YEATS2: variants seen among roughly 807,000 people sequenced by gnomAD.
YEATS2 encodes the protein YEATS domain containing 2, also known as YEATS domain-containing protein 2.
YEATS2 carries 77 observed loss-of-function variants against 163.2 expected under a neutral mutation model. The ratio of observed to expected loss-of-function variants is 0.47; its 90% CI spans 0.39 to 0.57. YEATS2 has a LOEUF of 0.57. YEATS2 is among the 20% of genes least tolerant of loss of function. YEATS2 has a pLI of 0.00. For synonymous variants in YEATS2, 631 were observed against 645.1 expected, an observed-to-expected ratio of 0.98 and a Z score of 0.33; for missense variants, 1,549 against 1,729.8, an observed-to-expected ratio of 0.90 and a Z score of 1.85.
intron 21 of YEATS2, among the ~76,000 whole-genome samples, chr3:183,794,677 A>G (rs978066946): frequency 3.3e-5 from 5 of 152,250 alleles, no homozygotes; most frequent in Admixed American, 3.3e-4. Context: ...AGAGAGGTAC[A>G]GTTTCTACTG....
Position 183,786,225 on chromosome 3 carries a change from T to C in YEATS2, c.2837T>C (p.Leu946Pro), listed in dbSNP as rs1421174010. The C allele has an allele frequency of 6.2e-7, 1 of 1,614,158 alleles. No homozygotes were observed. The highest frequency in any genetic ancestry group is 1.7e-5 in the Admixed American group (1 of 60,012). ...SQLSKPGTTM[L>P]RVAGGVITTA... ...CTCTCGAAGCCTGGAACCACAATGCTGAGAGTAGCAGGAGGGGTTATCACA... is the reference window on the plus strand; with the variant it reads ...CTCTCGAAGCCTGGAACCACAATGCCGAGAGTAGCAGGAGGGGTTATCACA... The change falls in exon 20 of 31, where the codon CTG becomes CCG. Residue 946 changes from leucine (L) to proline (P), a missense_variant. Physicochemically the swap from Leu to Pro is moderately conservative, Grantham distance 98. Coordinates refer to ENST00000305135, the MANE Select transcript of YEATS2 (RefSeq NM_018023.5).
chr3:183,748,910 A>T (rs1285082315), intron 9 of YEATS2, among the ~76,000 whole-genome samples: 1 of 151,686 alleles, frequency 6.6e-6, no homozygotes, highest in African/African-American at 2.4e-5. Context: ...TGGTTCATAT[A>T]TATATGTGTG....
At chr3:183,797,108 A>G (rs932665368) in intron 21 of YEATS2, among the ~76,000 whole-genome samples, 7 of 152,014 alleles carry the variant, frequency 4.6e-5, no homozygotes, top group Admixed American at 4.6e-4. Context: ...GTCTCTACTA[A>G]AAATACAAAA....
At chr3:183,767,020 C>G (rs922043531) in intron 15 of YEATS2, among the ~76,000 whole-genome samples, 2 of 152,142 alleles carry the variant, frequency 1.3e-5, no homozygotes, top group Admixed American at 1.3e-4. Context: ...TTGGGTAATA[C>G]AGTCTTATTT....
At chr3:183,745,239 A>G (rs151227014) in intron 8 of YEATS2, among the ~76,000 whole-genome samples, 1,551 of 152,274 alleles carry the variant, frequency 0.01, 3 homozygotes, top group Non-Finnish European at 0.017. Flanking sequence ...ATCCTACACA[A>G]CAGTATCTGA....
chr3:183,715,885 A>G (rs996527722), intron 2 of YEATS2, among the ~76,000 whole-genome samples: 1 of 152,204 alleles, frequency 6.6e-6, no homozygotes, highest in Non-Finnish European at 1.5e-5. Context: ...TGAAGAGCAA[A>G]TCATCAACTG....
chr3:183,810,493 A>G lies in YEATS2; in HGVS notation c.4179A>G (p.Thr1393=). ...GGACCAGGATTCCCAAAGAAATTAC[A>G]GTGAGTAATATTCACCAGGCCATTT... ...ASHNRIPKEI[T]VSNIHQAICN... Residue 1393 remains threonine (T), a synonymous_variant, in exon 31 of 31, where the codon ACA becomes ACG. Transcript: ENST00000305135. The G allele has an allele frequency of 6.2e-7, 1 of 1,614,106 alleles. No homozygotes were observed. Among genetic ancestry groups the G allele is most frequent in the South Asian group, 1.1e-5 (1 of 91,078 alleles).
chr3:183,778,452 A>G (rs1417891237), intron 19 of YEATS2, among the ~76,000 whole-genome samples: 1 of 152,232 alleles, frequency 6.6e-6, no homozygotes, highest in East Asian at 1.9e-4. Flanking sequence ...AGAATGGGCC[A>G]GTTTCAGCTA....
intron 19 of YEATS2, among the ~76,000 whole-genome samples, chr3:183,785,362 C>T (rs1029071984): frequency 6.7e-6 from 1 of 150,238 alleles, no homozygotes; most frequent in African/African-American, 2.4e-5. Context: ...GTGGCACGTG[C>T]CTGTAAGTCC....
chr3:183,780,961 AAAGTC>A (rs1723505400), intron 19 of YEATS2, among the ~76,000 whole-genome samples: 1 of 152,210 alleles, frequency 6.6e-6, no homozygotes, highest in South Asian at 2.1e-4. Flanking sequence ...ACTCAATAAA[AAAGTC>A]AAATCAATAA....
intron 20 of YEATS2, among the ~76,000 whole-genome samples, chr3:183,786,651 T>C (rs563605962): frequency 1.3e-5 from 2 of 148,438 alleles, no homozygotes; most frequent in Admixed American, 1.3e-4. Context: ...AGACATTTCA[T>C]ATAAAGGGAG....
intron 19 of YEATS2, among the ~76,000 whole-genome samples, chr3:183,785,840 T>G (rs192181126): frequency 1.5e-3 from 233 of 152,324 alleles, no homozygotes; most frequent in Middle Eastern, 3.4e-3. Context: ...TCAAGTATTT[T>G]GAAAACAAGT....
chr3:183,767,306 A>G (rs755915428), intron 15 of YEATS2, among the ~76,000 whole-genome samples: 14 of 151,496 alleles, frequency 9.2e-5, no homozygotes, highest in Non-Finnish European at 2.1e-4. Context: ...ACTCACTGCA[A>G]CCTCTGTCTC....
chr3:183,774,460 C>T (rs1722772091), intron 17 of YEATS2, among the ~76,000 whole-genome samples: 1 of 152,144 alleles, frequency 6.6e-6, no homozygotes, highest in African/African-American at 2.4e-5. Context: ...AAGTTGTCTT[C>T]CATGAAACTG....
Position 183,773,782 on chromosome 3 carries a change from A to G in YEATS2, c.2356A>G (p.Thr786Ala), listed in dbSNP as rs1722707920. The G allele has an allele frequency of 1.2e-6, 2 of 1,607,814 alleles. No individual in the cohort carries two copies. The highest frequency in any genetic ancestry group is 1.7e-5 in the Admixed American group (1 of 58,200). Residue 786 changes from threonine to alanine, a missense_variant, in exon 17 of 31, where the codon ACG becomes GCG. Coordinates refer to ENST00000305135, the MANE Select transcript of YEATS2 (RefSeq NM_018023.5). ...CCCTCAAGGAGCCATCCTGCGAGCT[A>G]CGAACAATGCTAGTTAGTGAAACCA... is the stretch of plus-strand genomic sequence containing the variant. ...LIPQGAILRA[T>A]NNANLQSGSA...
At chr3:183,772,209 A>G in intron 15 of YEATS2, 96 bp from the exon 16 acceptor site, 1 of 1,540,574 alleles carries the variant, frequency 6.5e-7, no homozygotes, top group Non-Finnish European at 8.9e-7. Flanking sequence ...GGCTGCATGT[A>G]TTATGTGCAG....
At position 183,756,652 on chromosome 3, in the gene YEATS2, G is replaced by C; in HGVS notation, c.1515G>C (p.Gln505His). 6.3e-7 allele frequency: 1 copy of C among 1,593,616 alleles called. No homozygotes were observed. The highest frequency in any genetic ancestry group is 8.5e-7 in the Non-Finnish European group (1 of 1,170,228). Residue 505 changes from glutamine to histidine, a missense_variant, in exon 12 of 31, where the codon CAG becomes CAC. By Grantham distance (24) the Gln-to-His change is conservative. Transcript: ENST00000305135. ...ATCCTTATGTTATCATGGACAAGCA[G>C]CCGGGGCAGGTGATTGGAGCCACCA... Reference protein sequence around the residue: ...INNPYVIMDKQPGQVIGATTP... With the variant: ...INNPYVIMDKHPGQVIGATTP...
intron 8 of YEATS2, among the ~76,000 whole-genome samples, chr3:183,741,409 T>C (rs976867014): frequency 1.3e-5 from 2 of 152,214 alleles, no homozygotes; most frequent in African/African-American, 2.4e-5. Flanking sequence ...TTAAGCCCAC[T>C]GTTGAGACCA....
chr3:183,763,377 A>G (rs1402198130), intron 15 of YEATS2, among the ~76,000 whole-genome samples: 7 of 152,240 alleles, frequency 4.6e-5, no homozygotes, highest in African/African-American at 1.7e-4. Flanking sequence ...CTGTAAAAAT[A>G]CAGTGTTATA....
Sources: allele counts gnomAD v4.1 joint callset (sites outside exome capture counted in the v4.1 genomes callset), GRCh38; gene constraint gnomAD v4.1.1; transcripts MANE v1.5; gene names NCBI Gene and HGNC (gene_info 2026-07-23, HGNC 2026-07-21).